The following SLC2A13 variants were observed in gnomAD, a reference collection of about 807,000 sequenced individuals.
The protein encoded by SLC2A13 is proton myo-inositol cotransporter.
Under a neutral mutation model 64.4 loss-of-function variants are expected in SLC2A13, and 32 were observed. The ratio of observed to expected loss-of-function variants is 0.50; its 90% CI spans 0.37 to 0.67. SLC2A13 has a LOEUF of 0.67. Among genes scored for constraint, SLC2A13 ranks in the 30% least tolerant of loss-of-function variants. The pLI is 0.00. For synonymous variants in SLC2A13, 338 were observed against 327.1 expected (o/e 1.03, Z -0.36); for missense variants, 743 against 829.2 (o/e 0.90, Z 1.28).
intron 4 of SLC2A13, among the ~76,000 whole-genome samples, chr12:39,948,139 A>T (rs573387085): frequency 6.6e-6 from 1 of 152,312 alleles, no homozygotes; most frequent in African/African-American, 2.4e-5. Context: ...TGAATAAAGG[A>T]AAATAATCAA....
chr12:40,097,863 C>G (rs976076610), intron 1 of SLC2A13, among the ~76,000 whole-genome samples: 1 of 152,042 alleles, frequency 6.6e-6, no homozygotes, highest in African/African-American at 2.4e-5. Context: ...CCAGCAATCT[C>G]AATTCTGGGT....
Position 39,812,996 on chromosome 12 carries a change from A to ATTTTTTTTTTTTTTTTTTTTTTT in SLC2A13, c.1445+17084_1445+17106dup. On this transcript the variant is annotated intron_variant, in intron 7 of 9. Coordinates refer to ENST00000280871, the MANE Select transcript of SLC2A13 (RefSeq NM_052885.4). ...AGGCGCCTGACATCATGCCCAGCTA[A>ATTTTTTTTTTTTTTTTTTTTTTT]TTTTTTTTTTTTTTTTTTTTTTTTT... 9.8e-5 allele frequency among the ~76,000 whole-genome samples: 4 copies of ATTTTTTTTTTTTTTTTTTTTTTT among 40,616 alleles called. 2 individuals are homozygous for ATTTTTTTTTTTTTTTTTTTTTTT. The highest frequency in any genetic ancestry group is 1.8e-4 in the African/African-American group (2 of 10,816). 26.6% of individuals were successfully genotyped at this position (40,616 alleles called of 152,430 possible). A position where few individuals can be genotyped will look rare whatever the true frequency, so the allele number is the denominator to read the frequency against.
chr12:39,913,520 A>G (rs1453068403), intron 4 of SLC2A13, among the ~76,000 whole-genome samples: 1 of 151,894 alleles, frequency 6.6e-6, no homozygotes, highest in Non-Finnish European at 1.5e-5. Flanking sequence ...ACAAAAAAAA[A>G]AAATCTAGCA....
At chr12:40,010,323 G>A (rs1039163365) in intron 3 of SLC2A13, among the ~76,000 whole-genome samples, 3 of 152,128 alleles carry the variant, frequency 2.0e-5, no homozygotes, top group Admixed American at 6.6e-5. Context: ...GGTAATAGAC[G>A]CCCTGTTGTC....
intron 3 of SLC2A13, among the ~76,000 whole-genome samples, chr12:39,984,868 T>A (rs945106119): frequency 1.3e-4 from 20 of 152,134 alleles, no homozygotes; most frequent in Non-Finnish European, 2.9e-4. Flanking sequence ...CATTAACTGG[T>A]AGAGATTTGC....
intron 3 of SLC2A13, among the ~76,000 whole-genome samples, chr12:40,004,490 C>T (rs1479844578): frequency 6.6e-6 from 1 of 152,082 alleles, no homozygotes; most frequent in Non-Finnish European, 1.5e-5. Context: ...GGCCACTGTA[C>T]CATTTTATAT....
intron 7 of SLC2A13, among the ~76,000 whole-genome samples, chr12:39,812,799 G>C (rs1308738323): frequency 2.0e-5 from 3 of 149,680 alleles, no homozygotes; most frequent in Non-Finnish European, 3.0e-5. Context: ...ATGACTTTAG[G>C]GGGTGGGGGG....
At chr12:39,998,595 G>A (rs559774436) in intron 3 of SLC2A13, among the ~76,000 whole-genome samples, 28 of 152,224 alleles carry the variant, frequency 1.8e-4, no homozygotes, top group African/African-American at 5.1e-4. Flanking sequence ...AATTTCTCCC[G>A]TTTGGAATGG....
At chr12:39,929,643 G>C (rs747048949) in intron 4 of SLC2A13, among the ~76,000 whole-genome samples, 1 of 152,128 alleles carries the variant, frequency 6.6e-6, no homozygotes, top group African/African-American at 2.4e-5. Context: ...TCCCTCAGGG[G>C]GCAACCAGAT....
intron 2 of SLC2A13, among the ~76,000 whole-genome samples, chr12:40,037,643 A>C (rs1948013413): frequency 6.6e-6 from 1 of 151,806 alleles, no homozygotes; most frequent in South Asian, 2.1e-4. Flanking sequence ...AAAAAAAAAA[A>C]AAAAAAATTC....
chr12:39,845,258 ACT>A (rs1373551627), intron 6 of SLC2A13, among the ~76,000 whole-genome samples: 2 of 151,830 alleles, frequency 1.3e-5, no homozygotes, highest in Non-Finnish European at 2.9e-5. Flanking sequence ...CTTAAAATTG[ACT>A]CTCTTTTTGG....
At chr12:39,914,067 T>C (rs750945589) in intron 4 of SLC2A13, among the ~76,000 whole-genome samples, 5 of 151,882 alleles carry the variant, frequency 3.3e-5, no homozygotes, top group African/African-American at 1.2e-4. Flanking sequence ...AGGAAAAAAA[T>C]AGTTAAATGA....
At chr12:39,883,935 A>C (rs971767135) in intron 4 of SLC2A13, among the ~76,000 whole-genome samples, 8 of 152,168 alleles carry the variant, frequency 5.3e-5, no homozygotes, top group African/African-American at 1.2e-4. Context: ...AGGCAAATCC[A>C]TCAAAACGTT....
intron 3 of SLC2A13, among the ~76,000 whole-genome samples, chr12:39,985,551 G>A (rs1487114738): frequency 6.6e-6 from 1 of 152,074 alleles, no homozygotes; most frequent in Non-Finnish European, 1.5e-5. Context: ...ATAAAGTTAG[G>A]AATTCAGTGC....
At chr12:39,957,693 T>C (rs962018600) in intron 3 of SLC2A13, among the ~76,000 whole-genome samples, 3 of 152,112 alleles carry the variant, frequency 2.0e-5, no homozygotes, top group Admixed American at 6.5e-5. Context: ...AGGGGAGCCT[T>C]TCACTCATCT....
chr12:39,896,608 A>G (rs944603876), intron 4 of SLC2A13, among the ~76,000 whole-genome samples: 24 of 150,840 alleles, frequency 1.6e-4, no homozygotes, highest in South Asian at 2.1e-4. Flanking sequence ...ATGTATGTAT[A>G]TGTGTTTATA....
intron 2 of SLC2A13, among the ~76,000 whole-genome samples, chr12:40,032,329 C>T (rs1947918107): frequency 6.6e-6 from 1 of 152,178 alleles, no homozygotes; most frequent in African/African-American, 2.4e-5. Flanking sequence ...AGCAGACATG[C>T]CAAGCTCTCA....
intron 3 of SLC2A13, among the ~76,000 whole-genome samples, chr12:39,975,653 C>T (rs139216903): frequency 4.1e-4 from 62 of 152,294 alleles, no homozygotes; most frequent in African/African-American, 1.3e-3. Flanking sequence ...ATAAGTTAGA[C>T]GTATTCAAGT....
chr12:39,847,515 T>C (rs535190228), intron 6 of SLC2A13, among the ~76,000 whole-genome samples: 20 of 152,266 alleles, frequency 1.3e-4, no homozygotes, highest in South Asian at 4.1e-4. Flanking sequence ...TTTCTGCCTT[T>C]CCTTCTGGCT....
Sources: gnomAD v4.1 joint callset for allele counts (sites outside exome capture counted in the v4.1 genomes callset) on GRCh38, gnomAD v4.1.1 for gene constraint, MANE v1.5 for transcripts, NCBI Gene and HGNC (gene_info 2026-07-23, HGNC 2026-07-21) for gene names.